TMEM131: variants seen among roughly 807,000 people sequenced by gnomAD.
The protein encoded by TMEM131 is 2610524E03Rik.
Under a neutral mutation model 211.6 loss-of-function variants are expected in TMEM131, and 66 were observed. The observed-to-expected ratio is 0.31, with a 90% CI of 0.26 to 0.38. The LOEUF (loss-of-function observed/expected upper bound fraction) is 0.38. TMEM131 is among the 10% of genes least tolerant of loss of function. The pLI, the probability that TMEM131 is intolerant of heterozygous loss-of-function variation, is 1.00. For synonymous variants in TMEM131, 844 were observed against 841.3 expected, an observed-to-expected ratio of 1.00 and a Z score of -0.06; for missense variants, 2,036 against 2,299.3, an observed-to-expected ratio of 0.89 and a Z score of 2.34.
At chr2:97,837,026 A>C in intron 8 of TMEM131, 51 bp downstream of exon 8, 1 of 1,433,106 alleles carries the variant, frequency 7.0e-7, no homozygotes, top group Non-Finnish European at 9.8e-7. Flanking sequence ...TAATTTAAGA[A>C]TAATCGGTTT....
intron 5 of TMEM131, 51 bp from the exon 6 acceptor site, chr2:97,844,312 C>A: frequency 3.5e-6 from 2 of 568,590 alleles, no homozygotes; most frequent in South Asian, 6.4e-5. Context: ...AATTATACAG[C>A]TCAAGTTCCT....
intron 1 of TMEM131, among the ~76,000 whole-genome samples, chr2:97,941,546 A>G (rs531336012): frequency 2.0e-5 from 3 of 152,344 alleles, no homozygotes; most frequent in Non-Finnish European, 4.4e-5. Context: ...CAACCTACAG[A>G]ATGGGAGAAA....
intron 2 of TMEM131, among the ~76,000 whole-genome samples, chr2:97,923,932 T>A (rs1676863586): frequency 6.6e-6 from 1 of 151,922 alleles, no homozygotes; most frequent in Non-Finnish European, 1.5e-5. Context: ...TACAAAAAAT[T>A]AGTCGGGCTT....
At chr2:97,802,034 G>A in intron 24 of TMEM131, 73 bp from the exon 25 acceptor site, 1 of 1,005,020 alleles carries the variant, frequency 1.0e-6, no homozygotes, top group South Asian at 1.6e-5. Flanking sequence ...GTGATTATCA[G>A]GTGTGTGCTT....
chr2:97,944,294 G>A (rs534032327), intron 1 of TMEM131, among the ~76,000 whole-genome samples: 1 of 151,866 alleles, frequency 6.6e-6, no homozygotes, highest in African/African-American at 2.4e-5. Context: ...GAATGAGGAC[G>A]GACCCTGCCT....
chr2:97,785,820 G>C (rs938997096), intron 31 of TMEM131, among the ~76,000 whole-genome samples: 1 of 152,148 alleles, frequency 6.6e-6, no homozygotes, highest in Admixed American at 6.5e-5. Flanking sequence ...CCATAAGTTG[G>C]ACTACTATTC....
chr2:97,776,284 G>C (rs1360745561), intron 31 of TMEM131, among the ~76,000 whole-genome samples: 2 of 152,072 alleles, frequency 1.3e-5, no homozygotes, highest in Non-Finnish European at 2.9e-5. Flanking sequence ...TCAATCTCCT[G>C]ACCTCGTGAT....
chr2:97,992,726 A>T (rs1472385256), intron 1 of TMEM131, among the ~76,000 whole-genome samples: 1 of 152,226 alleles, frequency 6.6e-6, no homozygotes, highest in Non-Finnish European at 1.5e-5. Context: ...ATATACACAT[A>T]CACATGTATT....
chr2:97,937,073 C>T (rs1677479386), intron 1 of TMEM131, among the ~76,000 whole-genome samples: 1 of 151,920 alleles, frequency 6.6e-6, no homozygotes, highest in Admixed American at 6.6e-5. Flanking sequence ...GGAAAAAATG[C>T]AATCAACAGT....
At chr2:97,874,826 A>C (rs1463914853) in intron 4 of TMEM131, among the ~76,000 whole-genome samples, 1 of 152,210 alleles carries the variant, frequency 6.6e-6, no homozygotes, top group Non-Finnish European at 1.5e-5. Context: ...ACAGGCAAAC[A>C]ACCAGCTAGC....
intron 1 of TMEM131, among the ~76,000 whole-genome samples, chr2:97,935,334 C>A (rs1287344358): frequency 2.0e-5 from 3 of 152,052 alleles, no homozygotes; most frequent in African/African-American, 7.2e-5. Flanking sequence ...AAGATATTGC[C>A]ATTGGGAGGA....
chr2:97,829,753 A>C (rs568671136), intron 11 of TMEM131, among the ~76,000 whole-genome samples: 26 of 152,312 alleles, frequency 1.7e-4, no homozygotes, highest in Middle Eastern at 3.4e-3. Flanking sequence ...CAAGTCAGAG[A>C]GACCAAGAAC....
At chr2:97,773,615 T>A (rs1206823070) in intron 32 of TMEM131, among the ~76,000 whole-genome samples, 1 of 151,364 alleles carries the variant, frequency 6.6e-6, no homozygotes, top group South Asian at 2.1e-4. Context: ...TGGACCTGTC[T>A]CCCCAACAGG....
intron 11 of TMEM131, among the ~76,000 whole-genome samples, chr2:97,823,623 G>C (rs1682232193): frequency 6.6e-6 from 1 of 152,156 alleles, no homozygotes; most frequent in East Asian, 1.9e-4. Flanking sequence ...ATGCCCACTG[G>C]GATCTAGACT....
At chr2:97,795,819 C>T (rs1562293) in intron 28 of TMEM131, among the ~76,000 whole-genome samples, 2,702 of 152,224 alleles carry the variant, frequency 0.018, 115 homozygotes, top group East Asian at 0.15. Flanking sequence ...CAAAATATTA[C>T]ATATCCGTAT....
At chr2:97,759,333 C>A in intron 39 of TMEM131, 2 of 542,482 alleles carry the variant, frequency 3.7e-6, no homozygotes, top group Non-Finnish European at 6.6e-6. Flanking sequence ...ACCTCTAGTT[C>A]TGGACAGCAA....
chr2:97,793,552 C>A lies in TMEM131; in HGVS notation c.3388G>T (p.Ala1130Ser). 1 of 1,606,324 alleles carries A rather than the reference C, an allele frequency of 6.2e-7. No homozygotes were observed. Among genetic ancestry groups the A allele is most frequent in the South Asian group, 1.1e-5 (1 of 89,448 alleles). The change falls in exon 30 of 41, where the codon GCA becomes TCA. Residue 1130 changes from alanine to serine, a missense_variant and splice_region_variant. This residue lies in a region of TMEM131 where 1,623 missense variants were observed against 1,805.9 expected (regional missense o/e 0.90). Coordinates refer to ENST00000186436, the MANE Select transcript of TMEM131 (RefSeq NM_015348.2). ...GTTCCAATGACCAAAAGAAACAGTG[C>A]ACTGCAGGGGTAAAAAAAATTGGAA... ...LYIIISGIMSALFLLVIGTAY... is the reference protein window; with the variant it reads ...LYIIISGIMSSLFLLVIGTAY...
intron 4 of TMEM131, among the ~76,000 whole-genome samples, chr2:97,871,145 A>G (rs1006187989): frequency 6.6e-6 from 1 of 152,236 alleles, no homozygotes; most frequent in Non-Finnish European, 1.5e-5. Flanking sequence ...ATAATTATAT[A>G]AGCCAAAGAT....
chr2:97,970,379 C>A (rs6726775), intron 1 of TMEM131, among the ~76,000 whole-genome samples: 3,748 of 152,162 alleles, frequency 0.025, 165 homozygotes, highest in African/African-American at 0.087. Context: ...CCAAAAGAAA[C>A]AGTACAGAGA....
Sources: gnomAD v4.1 joint callset for allele counts (sites outside exome capture counted in the v4.1 genomes callset) on GRCh38, gnomAD v4.1.1 for gene constraint, gnomAD v4.1.1 regional missense constraint, MANE v1.5 for transcripts, NCBI Gene and HGNC (gene_info 2026-07-23, HGNC 2026-07-21) for gene names.